Variants in CRYL1 observed in about 807,000 individuals in gnomAD.
CRYL1 encodes lambda-crystallin homolog.
In CRYL1, 29 loss-of-function variants were observed where a neutral mutation model predicts 36.6. The observed-to-expected ratio is 0.79, with a 90% CI of 0.59 to 1.08. The LOEUF (loss-of-function observed/expected upper bound fraction) is 1.08. CRYL1 is among the 50% of genes least tolerant of loss of function. The pLI is 0.00. For synonymous variants in CRYL1, 152 were observed against 151.5 expected, an observed-to-expected ratio of 1.00 and a Z score of -0.02; for missense variants, 411 against 407.9, an observed-to-expected ratio of 1.01 and a Z score of -0.06.
intron 4 of CRYL1, among the ~76,000 whole-genome samples, chr13:20,432,502 T>C (rs2137391582): frequency 6.6e-6 from 1 of 152,134 alleles, no homozygotes; most frequent in South Asian, 2.1e-4. Context: ...GTGGTTTTGT[T>C]TAAAAAAAAA....
intron 2 of CRYL1, among the ~76,000 whole-genome samples, chr13:20,497,581 T>C (rs1304411006): frequency 3.6e-5 from 5 of 139,952 alleles, no homozygotes; most frequent in Non-Finnish European, 6.1e-5. Context: ...ACACACACCA[T>C]ATATATGCAC....
In CRYL1 at chr13:20,404,691, G is replaced by T. The variant is rs762042341; in HGVS notation, c.790C>A (p.Gln264Lys). Residue 264 changes from glutamine (Q) to lysine (K), a missense_variant, in exon 7 of 8, where the codon CAG becomes AAG. Coordinates refer to ENST00000298248, the MANE Select transcript of CRYL1 (RefSeq NM_015974.3). ...AACTCTGGAATGGGTCCAAAAGTCT[G>T]TAGGACATGTTTTATGCCTTCGCTG... ...RYSEGIKHVL[Q>K]TFGPIPEFSR... The T allele has an allele frequency of 6.2e-6, 10 of 1,614,054 alleles. No individual in the cohort carries two copies. The highest frequency in any genetic ancestry group is 8.5e-6 in the Non-Finnish European group (10 of 1,179,880).
chr13:20,459,006 C>A (rs565224218), intron 3 of CRYL1, among the ~76,000 whole-genome samples: 1 of 152,110 alleles, frequency 6.6e-6, no homozygotes, highest in Non-Finnish European at 1.5e-5. Flanking sequence ...GAGGCCGAGG[C>A]GGGCGGATCA....
intron 3 of CRYL1, among the ~76,000 whole-genome samples, chr13:20,461,026 G>A (rs951323391): frequency 1.3e-5 from 2 of 152,116 alleles, no homozygotes; most frequent in Admixed American, 6.5e-5. Flanking sequence ...AACTAGGGTA[G>A]CCGCTGTCTC....
At chr13:20,513,945 T>C (rs564948874) in intron 1 of CRYL1, among the ~76,000 whole-genome samples, 48 of 141,984 alleles carry the variant, frequency 3.4e-4, no homozygotes, top group Non-Finnish European at 6.4e-4. Flanking sequence ...CGATGGGGCA[T>C]GTCAAAGGGA....
intron 3 of CRYL1, among the ~76,000 whole-genome samples, chr13:20,461,631 G>A (rs1172696100): frequency 6.6e-6 from 1 of 152,020 alleles, no homozygotes; most frequent in East Asian, 1.9e-4. Context: ...GTGGAGAAAC[G>A]GCCAGATACA....
chr13:20,413,228 AC>A, intron 6 of CRYL1, 53 bp downstream of exon 6: 2 of 1,271,390 alleles, frequency 1.6e-6, no homozygotes, highest in East Asian at 4.6e-5. Context: ...TGTTTACAAA[AC>A]CCATGACAAC....
chr13:20,516,626 C>T (rs1160441435), intron 1 of CRYL1, among the ~76,000 whole-genome samples: 2 of 152,016 alleles, frequency 1.3e-5, no homozygotes, highest in Non-Finnish European at 2.9e-5. Flanking sequence ...ACTACAGGCG[C>T]TCGCCACCAC....
At chr13:20,474,521 C>G (rs762067559) in intron 3 of CRYL1, among the ~76,000 whole-genome samples, 2 of 152,212 alleles carry the variant, frequency 1.3e-5, no homozygotes, top group African/African-American at 4.8e-5. Flanking sequence ...TGCATAATTA[C>G]TGCATGGAGT....
At chr13:20,511,871 G>A (rs562615506) in intron 2 of CRYL1, among the ~76,000 whole-genome samples, 1 of 152,264 alleles carries the variant, frequency 6.6e-6, no homozygotes, top group African/African-American at 2.4e-5. Context: ...CGCATTCTTA[G>A]CACTCAGCAT....
chr13:20,517,891 A>C (rs1447993374), intron 1 of CRYL1, among the ~76,000 whole-genome samples: 10 of 144,634 alleles, frequency 6.9e-5, no homozygotes, highest in African/African-American at 1.8e-4. Flanking sequence ...AGCCGAGATC[A>C]CACCACTGCA....
intron 5 of CRYL1, chr13:20,431,460 TCTC>T (rs1224464573): frequency 1.0e-6 from 1 of 985,206 alleles, no homozygotes; most frequent in African/African-American, 1.7e-5. Flanking sequence ...TCCCGAGACT[TCTC>T]CGCCTCGTCC....
At chr13:20,510,221 C>A (rs1455776172) in intron 2 of CRYL1, among the ~76,000 whole-genome samples, 1 of 152,154 alleles carries the variant, frequency 6.6e-6, no homozygotes, top group Non-Finnish European at 1.5e-5. Flanking sequence ...GAATTTAGAG[C>A]AACTTTACTC....
At chr13:20,452,419 A>G (rs2032591154) in intron 3 of CRYL1, among the ~76,000 whole-genome samples, 1 of 152,150 alleles carries the variant, frequency 6.6e-6, no homozygotes, top group Non-Finnish European at 1.5e-5. Context: ...AGACCTAAGA[A>G]ACAAGAAATG....
In CRYL1 at chr13:20,525,771, G is replaced by A. The variant is rs1406563071; in HGVS notation, c.24C>T (p.Cys8=). 2 of 1,296,478 alleles carry A rather than the reference G, an allele frequency of 1.5e-6. No individual in the cohort carries two copies. The highest frequency in any genetic ancestry group is 9.8e-7 in the Non-Finnish European group (1 of 1,020,754). 80.3% of individuals were successfully genotyped at this position (1,296,478 alleles called of 1,614,324 possible). The part of the protein sequence containing the change: MASSAAG[C]VVIVGSGVIG... ...CCCTTTACCTGCCAACGATCACCAC[G>A]CAGCCGGCCGCGGAGGACGCCATGG... Residue 8 remains cysteine, a synonymous_variant, in exon 1 of 8, where the codon TGC becomes TGT. Coordinates refer to ENST00000298248, the MANE Select transcript of CRYL1 (RefSeq NM_015974.3). This position sits in a 1 kb window ranked among gnomAD's most constrained non-coding sequence, Gnocchi z 4.3.
intron 5 of CRYL1, among the ~76,000 whole-genome samples, chr13:20,414,119 G>T (rs2031594180): frequency 6.6e-6 from 1 of 152,084 alleles, no homozygotes; most frequent in African/African-American, 2.4e-5. Flanking sequence ...AAGTTGCAGT[G>T]AGCTGAGATC....
intron 5 of CRYL1, among the ~76,000 whole-genome samples, chr13:20,417,371 T>C (rs187333895): frequency 4.6e-5 from 7 of 152,310 alleles, no homozygotes; most frequent in Admixed American, 4.6e-4. Flanking sequence ...AACAGGGAAC[T>C]GACAAGCGAT....
At chr13:20,444,370 T>C (rs756567250) in intron 3 of CRYL1, among the ~76,000 whole-genome samples, 5 of 152,224 alleles carry the variant, frequency 3.3e-5, no homozygotes, top group Non-Finnish European at 7.3e-5. Context: ...CTTTCCAAAG[T>C]AAAAATCAGT....
At chr13:20,512,073 A>G (rs952571582) in intron 2 of CRYL1, among the ~76,000 whole-genome samples, 3 of 152,184 alleles carry the variant, frequency 2.0e-5, no homozygotes, top group African/African-American at 7.2e-5. Context: ...TCTGTTCCTA[A>G]ACTGTAATGC....
Sources: gnomAD v4.1 joint callset for allele counts (sites outside exome capture counted in the v4.1 genomes callset) on GRCh38, gnomAD v4.1.1 for gene constraint, Gnocchi (gnomAD v3.1) non-coding constraint, MANE v1.5 for transcripts, NCBI Gene and HGNC (gene_info 2026-07-23, HGNC 2026-07-21) for gene names.